The following LINGO2 variants were observed in gnomAD, a reference collection of about 807,000 sequenced individuals.
LINGO2 encodes the protein leucine rich repeat and Ig domain containing 2, also known as leucine-rich repeat and immunoglobulin-like domain-containing nogo receptor-interacting protein 2.
LINGO2 carries 14 observed loss-of-function variants against 30.6 expected under a neutral mutation model. That is an observed-to-expected ratio of 0.46 (90% CI 0.30 to 0.72). The LOEUF is 0.72. LINGO2 is among the 30% of genes least tolerant of loss of function. LINGO2 has a pLI of 0.07. For missense variants in LINGO2, 729 were observed against 751.7 expected (o/e 0.97, Z 0.35); for synonymous variants, 317 against 288.5 (o/e 1.10, Z -1.00).
intron 4 of LINGO2, among the ~76,000 whole-genome samples, chr9:28,079,599 C>T (rs749807146): frequency 1.3e-5 from 2 of 152,142 alleles, no homozygotes; most frequent in African/African-American, 2.4e-5. Context: ...CTTAATACTT[C>T]TTGTTTATAA....
intron 2 of LINGO2, among the ~76,000 whole-genome samples, chr9:28,383,275 T>TGG (rs1004910505): frequency 2.0e-5 from 3 of 151,836 alleles, no homozygotes; most frequent in African/African-American, 7.3e-5. Flanking sequence ...TGTGTGTGTG[T>TGG]GTGTGTGTGT....
At chr9:29,071,391 C>T in the LINGO2 span, among the ~76,000 whole-genome samples, 1 of 149,490 alleles carries the variant, frequency 6.7e-6, no homozygotes, top group Non-Finnish European at 1.5e-5. Flanking sequence ...TTTCATTTAA[C>T]ATTTTCTCCA....
chr9:28,620,476 G>T (rs945621468), intron 1 of LINGO2, among the ~76,000 whole-genome samples: 1 of 151,948 alleles, frequency 6.6e-6, no homozygotes, highest in Admixed American at 6.6e-5. Context: ...TAAGACACAG[G>T]AATTTATATT....
At chr9:28,438,953 A>G (rs1376388549) in intron 2 of LINGO2, among the ~76,000 whole-genome samples, 1 of 147,022 alleles carries the variant, frequency 6.8e-6, no homozygotes, top group Non-Finnish European at 1.5e-5. Flanking sequence ...TGAAATATAG[A>G]TAATATGTGT....
At chr9:29,084,283 C>G in the LINGO2 span, among the ~76,000 whole-genome samples, 1 of 152,052 alleles carries the variant, frequency 6.6e-6, no homozygotes, top group Non-Finnish European at 1.5e-5. Context: ...CAATGAAGTA[C>G]TGTGACCATC....
At chr9:28,660,528 A>C (rs934962235) in intron 1 of LINGO2, among the ~76,000 whole-genome samples, 1 of 152,150 alleles carries the variant, frequency 6.6e-6, no homozygotes, top group Non-Finnish European at 1.5e-5. Flanking sequence ...TATAATTTAT[A>C]TATCTCACAG....
chr9:28,333,181 A>G (rs1327464879), intron 3 of LINGO2, among the ~76,000 whole-genome samples: 1 of 152,212 alleles, frequency 6.6e-6, no homozygotes, highest in Non-Finnish European at 1.5e-5. Flanking sequence ...AGTTAGGCAA[A>G]CATCGTGCCC....
the LINGO2 span, among the ~76,000 whole-genome samples, chr9:28,733,776 G>A: frequency 1.3e-5 from 2 of 151,924 alleles, no homozygotes; most frequent in Non-Finnish European, 2.9e-5. Context: ...GCTGTAATGA[G>A]GTGAACACAC....
the LINGO2 span, among the ~76,000 whole-genome samples, chr9:28,870,204 C>T: frequency 2.0e-5 from 3 of 151,926 alleles, no homozygotes; most frequent in Non-Finnish European, 4.4e-5. Context: ...ACCTCATTTT[C>T]GAGGCACTGC....
chr9:28,521,690 A>G (rs1173829574), intron 1 of LINGO2, among the ~76,000 whole-genome samples: 2 of 152,218 alleles, frequency 1.3e-5, no homozygotes, highest in Non-Finnish European at 1.5e-5. Context: ...GTTTTCCCCA[A>G]AATTAATGTT....
At chr9:27,996,814 C>G (rs1262168964) in intron 5 of LINGO2, among the ~76,000 whole-genome samples, 2 of 152,080 alleles carry the variant, frequency 1.3e-5, no homozygotes, top group Non-Finnish European at 2.9e-5. Context: ...TCCCAATTAC[C>G]CTGATTTGAT....
the LINGO2 span, among the ~76,000 whole-genome samples, chr9:28,893,108 T>A: frequency 6.6e-6 from 1 of 151,988 alleles, no homozygotes; most frequent in Non-Finnish European, 1.5e-5. Context: ...CTCTCTTCTC[T>A]TCTTCCATTC....
intron 5 of LINGO2, among the ~76,000 whole-genome samples, chr9:27,987,502 G>A (rs1005899435): frequency 6.6e-6 from 1 of 151,782 alleles, no homozygotes; most frequent in Non-Finnish European, 1.5e-5. Flanking sequence ...TGTAAGTACT[G>A]TACCCCCCAA....
At chr9:28,947,505 A>G in the LINGO2 span, among the ~76,000 whole-genome samples, 4 of 152,048 alleles carry the variant, frequency 2.6e-5, no homozygotes, top group African/African-American at 7.2e-5. Flanking sequence ...TAATGTACAT[A>G]CACATAGTGG....
At chr9:28,829,979 C>T in the LINGO2 span, among the ~76,000 whole-genome samples, 1 of 152,198 alleles carries the variant, frequency 6.6e-6, no homozygotes, top group African/African-American at 2.4e-5. Flanking sequence ...TCATAAGGAA[C>T]ATACATTCAT....
At chr9:28,846,159 G>A in the LINGO2 span, among the ~76,000 whole-genome samples, 5 of 151,784 alleles carry the variant, frequency 3.3e-5, no homozygotes, top group South Asian at 8.3e-4. Context: ...AGAGATGAAT[G>A]TATATAGGCA....
At chr9:28,774,538 T>C in the LINGO2 span, among the ~76,000 whole-genome samples, 3 of 152,152 alleles carry the variant, frequency 2.0e-5, no homozygotes, top group Admixed American at 1.3e-4. Context: ...TCATTTTATA[T>C]ATGTGATGTC....
intron 2 of LINGO2, among the ~76,000 whole-genome samples, chr9:28,435,271 T>C (rs1484709982): frequency 1.3e-5 from 2 of 152,182 alleles, no homozygotes; most frequent in South Asian, 2.1e-4. Flanking sequence ...TATTATGTCA[T>C]TTTAACCATA....
chr9:28,701,727 GA>G, the LINGO2 span, among the ~76,000 whole-genome samples: 1 of 151,740 alleles, frequency 6.6e-6, no homozygotes, highest in Non-Finnish European at 1.5e-5. Context: ...AAATCAAGTT[GA>G]AAAAAATGAC....
Sources: gnomAD v4.1 joint callset for allele counts (sites outside exome capture counted in the v4.1 genomes callset) on GRCh38, gnomAD v4.1.1 for gene constraint, MANE v1.5 for transcripts, NCBI Gene and HGNC (gene_info 2026-07-23, HGNC 2026-07-21) for gene names.